The following ABCB1 variants were observed in gnomAD, a reference collection of about 807,000 sequenced individuals.
ABCB1 encodes ATP-dependent translocase ABCB1.
ABCB1 carries 69 observed loss-of-function variants against 142.0 expected under a neutral mutation model. The ratio of observed to expected loss-of-function variants is 0.49; its 90% CI spans 0.40 to 0.59. The LOEUF (loss-of-function observed/expected upper bound fraction) is 0.59. ABCB1 is among the 20% of genes least tolerant of loss of function. The pLI is 0.00. For synonymous variants in ABCB1, 532 were observed against 539.2 expected, an observed-to-expected ratio of 0.99 and a Z score of 0.18; for missense variants, 1,326 against 1,554.7, an observed-to-expected ratio of 0.85 and a Z score of 2.47.
intron 4 of ABCB1, among the ~76,000 whole-genome samples, chr7:87,584,211 G>A (rs1818636140): frequency 6.6e-6 from 1 of 152,130 alleles, no homozygotes; most frequent in African/African-American, 2.4e-5. Context: ...ACTTTTTAGG[G>A]TCATGAAGTG....
intron 1 of ABCB1, among the ~76,000 whole-genome samples, chr7:87,616,778 A>C (rs529460459): frequency 6.6e-6 from 1 of 152,352 alleles, no homozygotes; most frequent in South Asian, 2.1e-4. Context: ...CATGAAGAGC[A>C]AAACTAAGAG....
Position 87,700,611 on chromosome 7 carries a change from A to G in ABCB1, c.-331+12550T>C, listed in dbSNP as rs1585138707. The G allele has an allele frequency of 8.5e-6, 13 of 1,523,536 alleles. No homozygotes were observed. In the South Asian group the frequency reaches 1.3e-4, roughly 16 times the overall value. 94.4% of individuals were successfully genotyped at this position (1,523,536 alleles called of 1,614,324 possible). A position where few individuals can be genotyped will look rare whatever the true frequency, so the allele number is the denominator to read the frequency against. ...TTTTTTTTCATTGCATGTATTTGGAATAGCAGGAAGGTGTGAAGCTACTTA... is the reference window on the plus strand; with the variant it reads ...TTTTTTTTCATTGCATGTATTTGGAGTAGCAGGAAGGTGTGAAGCTACTTA... On this transcript the variant is annotated intron_variant, in intron 1 of 28. Transcript: ENST00000265724.
At chr7:87,670,971 C>T (rs911186130) in intron 1 of ABCB1, among the ~76,000 whole-genome samples, 11 of 147,376 alleles carry the variant, frequency 7.5e-5, no homozygotes, top group African/African-American at 2.7e-4. Flanking sequence ...GGGGCGATCT[C>T]AGTGTTTATG....
At chr7:87,642,307 A>G (rs975633596) in intron 1 of ABCB1, among the ~76,000 whole-genome samples, 1 of 152,098 alleles carries the variant, frequency 6.6e-6, no homozygotes, top group Admixed American at 6.5e-5. Context: ...TTGATAAACC[A>G]TGAAGACTAT....
In ABCB1 at chr7:87,553,399, C is replaced by T. The variant is rs546530614; in HGVS notation, c.999+362G>A. Among the ~76,000 whole-genome samples, 14 of 147,578 alleles carry T rather than the reference C, an allele frequency of 9.5e-5. No individual in the cohort carries two copies. The South Asian group carries it at 3.0e-3, about 31-fold the overall frequency. On this transcript the variant is annotated intron_variant, in intron 9 of 27. Transcript: ENST00000622132. ...GCAGTGGCGCAATCTCAGGTCACTG[C>T]AAGCTCCGCCTCCCGGGTTAACGCC...
At chr7:87,531,709 G>A (rs1361813841) in intron 20 of ABCB1, 6 of 554,474 alleles carry the variant, frequency 1.1e-5, no homozygotes, top group African/African-American at 5.7e-5. Context: ...ACAATCTAGA[G>A]TTCAATTACA....
chr7:87,640,599 C>T (rs1204438629), intron 1 of ABCB1, among the ~76,000 whole-genome samples: 1 of 152,174 alleles, frequency 6.6e-6, no homozygotes, highest in Non-Finnish European at 1.5e-5. Flanking sequence ...CCTGCCTGGG[C>T]CTCCAAAAGT....
chr7:87,553,843 A>G lies in ABCB1; in HGVS notation c.917T>C (p.Ile306Thr). ...NISIGAAFLL[I>T]YASYALAFWY... ...GAAGGCCAGAGCATAAGATGCATAG[A>G]TCAGCAGGAAAGCAGCACCTATAGA... is the stretch of plus-strand genomic sequence containing the variant. Residue 306 changes from isoleucine (I) to threonine (T), a missense_variant, in exon 9 of 28, where the codon ATC becomes ACC. Physicochemically the swap from Ile to Thr is moderately conservative, Grantham distance 89. Transcript: ENST00000622132. 6 of 1,614,108 alleles carry G rather than the reference A, an allele frequency of 3.7e-6. No individual in the cohort carries two copies. The highest frequency in any genetic ancestry group is 5.1e-6 in the Non-Finnish European group (6 of 1,179,938).
intron 14 of ABCB1, among the ~76,000 whole-genome samples, chr7:87,548,065 G>A (rs1456726442): frequency 4.9e-5 from 7 of 141,914 alleles, no homozygotes; most frequent in Non-Finnish European, 1.1e-4. Flanking sequence ...CAGGAGAGGA[G>A]AGGAAGAGAA....
intron 1 of ABCB1, among the ~76,000 whole-genome samples, chr7:87,610,246 T>TC (rs1269477642): frequency 4.7e-5 from 7 of 148,784 alleles, no homozygotes; most frequent in African/African-American, 1.7e-4. Flanking sequence ...TTTTTTTTTT[T>TC]TTTTTTTCTC....
chr7:87,604,967 G>A (rs532096327), upstream of ABCB1, among the ~76,000 whole-genome samples: 9 of 152,072 alleles, frequency 5.9e-5, no homozygotes, highest in African/African-American at 1.9e-4. Flanking sequence ...TATTCAAACT[G>A]GACAGAGACT....
At chr7:87,527,764 A>G (rs964901906) in intron 21 of ABCB1, among the ~76,000 whole-genome samples, 1 of 152,226 alleles carries the variant, frequency 6.6e-6, no homozygotes, top group Non-Finnish European at 1.5e-5. Flanking sequence ...AAGCAGGTAC[A>G]ACACTTGAAC....
chr7:87,582,508 A>C (rs1197578687), intron 4 of ABCB1, among the ~76,000 whole-genome samples: 1 of 152,242 alleles, frequency 6.6e-6, no homozygotes. Flanking sequence ...TGGCACACAG[A>C]ATGCTCTAAT....
At chr7:87,515,814 C>G (rs1007540812) in intron 24 of ABCB1, among the ~76,000 whole-genome samples, 2 of 151,726 alleles carry the variant, frequency 1.3e-5, no homozygotes. Flanking sequence ...CCAAGCTGGT[C>G]TCGAACTCCT....
chr7:87,564,755 TG>T (rs1817717560), intron 7 of ABCB1, among the ~76,000 whole-genome samples: 1 of 152,244 alleles, frequency 6.6e-6, no homozygotes, highest in Non-Finnish European at 1.5e-5. Context: ...GCAGCCAGCC[TG>T]GGGCTCCTTT....
rs1816041462 is a variant in ABCB1 at position 87,531,222 on chromosome 7, G to A, written c.2685+72C>T. 2.4e-6 allele frequency: 3 copies of A among 1,262,610 alleles called. No individual in the cohort carries two copies. The South Asian group carries it at 3.6e-5, about 15-fold the overall frequency. 78.2% of individuals were successfully genotyped at this position (1,262,610 alleles called of 1,614,324 possible). A position where few individuals can be genotyped will look rare whatever the true frequency, so the allele number is the denominator to read the frequency against. On this transcript the variant is annotated intron_variant, in intron 21 of 27. Coordinates refer to ENST00000622132, the MANE Select transcript of ABCB1 (RefSeq NM_001348946.2). ...ATTCTTAGAGCATAGTAAGCAGTAG[G>A]GAGTAACAAAATAACACTGATTAGA...
intron 7 of ABCB1, among the ~76,000 whole-genome samples, chr7:87,564,788 A>G (rs993741137): frequency 1.3e-5 from 2 of 152,254 alleles, no homozygotes. Context: ...TGGCATGTGA[A>G]GCAATGCATA....
intron 1 of ABCB1, chr7:87,693,895 T>A: frequency 1.2e-6 from 2 of 1,603,746 alleles, no homozygotes; most frequent in Non-Finnish European, 1.7e-6. Context: ...TTGTTGTTAT[T>A]TTTTTTTTAA....
At chr7:87,564,365 C>T (rs749988350) in intron 7 of ABCB1, among the ~76,000 whole-genome samples, 5 of 152,006 alleles carry the variant, frequency 3.3e-5, no homozygotes, top group African/African-American at 4.8e-5. Context: ...GCCCCTGCTT[C>T]TGCTGCTTGA....
Sources: gnomAD v4.1 joint callset for allele counts (sites outside exome capture counted in the v4.1 genomes callset) on GRCh38, gnomAD v4.1.1 for gene constraint, MANE v1.5 for transcripts, NCBI Gene and HGNC (gene_info 2026-07-23, HGNC 2026-07-21) for gene names.